ASXL2: variants seen among roughly 807,000 people sequenced by gnomAD.
The protein encoded by ASXL2 is putative Polycomb group protein ASXL2.
A neutral mutation model predicts 122.0 loss-of-function variants in ASXL2; 23 were observed. That is an observed-to-expected ratio of 0.19 (90% CI 0.14 to 0.27). ASXL2 has a LOEUF of 0.27. ASXL2 is among the 10% of genes least tolerant of loss of function. The pLI is 1.00. For synonymous variants in ASXL2, 650 were observed against 637.0 expected (o/e 1.02, Z -0.31); for missense variants, 1,518 against 1,713.8 (o/e 0.89, Z 2.02).
intron 2 of ASXL2, among the ~76,000 whole-genome samples, chr2:25,838,473 T>G (rs2089539119): frequency 6.6e-6 from 1 of 152,224 alleles, no homozygotes; most frequent in African/African-American, 2.4e-5. Context: ...GCTCAGAGAC[T>G]TACACAGAAC....
intron 1 of ASXL2, among the ~76,000 whole-genome samples, chr2:25,868,062 G>C (rs1212995822): frequency 1.3e-5 from 2 of 152,218 alleles, no homozygotes; most frequent in African/African-American, 4.8e-5. Flanking sequence ...TATCAGGATT[G>C]TGGGTACAGG....
chr2:25,808,036 G>A (rs565288030), intron 3 of ASXL2, among the ~76,000 whole-genome samples: 1 of 89,772 alleles, frequency 1.1e-5, no homozygotes, highest in African/African-American at 4.0e-5. Flanking sequence ...CCACCCCAAA[G>A]AACAGATACA....
chr2:25,809,448 T>C (rs1009301214), intron 3 of ASXL2, among the ~76,000 whole-genome samples: 27 of 152,322 alleles, frequency 1.8e-4, no homozygotes, highest in Middle Eastern at 3.4e-3. Context: ...CAGTGAAATT[T>C]CCCATAATGG....
Position 25,739,986 on chromosome 2 carries a change from G to C in ASXL2, c.*2043C>G, listed in dbSNP as rs1051125957. 4.5e-6 allele frequency: 1 copy of C among 221,728 alleles called. No individual in the cohort carries two copies. Among genetic ancestry groups the C allele is most frequent in the Non-Finnish European group, 9.0e-6 (1 of 110,720 alleles). 13.7% of individuals were successfully genotyped at this position (221,728 alleles called of 1,614,324 possible). A position where few individuals can be genotyped will look rare whatever the true frequency, so the allele number is the denominator to read the frequency against. ...CCCTTCCTGGATTGCCCAAGGTACTGAATATTTGGGAGCACCATTATTTCT... is the reference window on the plus strand; with the variant it reads ...CCCTTCCTGGATTGCCCAAGGTACTCAATATTTGGGAGCACCATTATTTCT... On this transcript the variant is annotated 3_prime_UTR_variant, in exon 13 of 13. Coordinates refer to ENST00000435504, the MANE Select transcript of ASXL2 (RefSeq NM_018263.6).
rs746010291 is a variant in ASXL2 at position 25,742,120 on chromosome 2, G to C, written c.4217C>G (p.Ala1406Gly). Residue 1406 changes from alanine (A) to glycine (G), a missense_variant, in exon 13 of 13, where the codon GCC becomes GGC. Physicochemically the swap from Ala to Gly is moderately conservative, Grantham distance 60. Transcript: ENST00000435504. Reference protein sequence around the residue: ...TPSKCYCRLKAMIMCKGCGAF... With the variant: ...TPSKCYCRLKGMIMCKGCGAF... ...GCCACAGCCTTTGCACATGATCATG[G>C]CTTTCAAGCGGCAGTAACATTTCGA... 1 of 1,613,926 alleles carries C rather than the reference G, an allele frequency of 6.2e-7. No homozygotes were observed. Among genetic ancestry groups the C allele is most frequent in the Non-Finnish European group, 8.5e-7 (1 of 1,179,902 alleles).
intron 3 of ASXL2, among the ~76,000 whole-genome samples, chr2:25,825,692 A>G (rs935983378): frequency 6.6e-6 from 1 of 152,158 alleles, no homozygotes; most frequent in Non-Finnish European, 1.5e-5. Flanking sequence ...CCACCCATCA[A>G]TGGATATTTG....
At chr2:25,816,550 G>A (rs1473065962) in intron 3 of ASXL2, among the ~76,000 whole-genome samples, 2 of 152,146 alleles carry the variant, frequency 1.3e-5, no homozygotes, top group Admixed American at 1.3e-4. Context: ...CCAGCAGAAG[G>A]AGAGAACAAT....
At chr2:25,871,164 C>T (rs776617790) in intron 1 of ASXL2, among the ~76,000 whole-genome samples, 2 of 152,002 alleles carry the variant, frequency 1.3e-5, no homozygotes, top group Non-Finnish European at 2.9e-5. Flanking sequence ...TGAGGATGGC[C>T]TCTATGAGAT....
intron 5 of ASXL2, among the ~76,000 whole-genome samples, chr2:25,774,997 T>G (rs2088521922): frequency 6.6e-6 from 1 of 152,214 alleles, no homozygotes; most frequent in South Asian, 2.1e-4. Context: ...TTTGCCTGTC[T>G]TCTCGTGGTT....
intron 1 of ASXL2, among the ~76,000 whole-genome samples, chr2:25,874,673 G>C (rs886765773): frequency 2.6e-5 from 4 of 152,130 alleles, no homozygotes; most frequent in Non-Finnish European, 5.9e-5. Context: ...CAATGTAATG[G>C]CTCTCAATAT....
In ASXL2 at chr2:25,832,473, A is replaced by C. The variant is rs1452753930; in HGVS notation, c.143+3065T>G. ...GGAATGAGAAATAGAGGAAACAGAA[A>C]ACAAAAAAACAAAAAGGCAAACTCA... On this transcript the variant is annotated intron_variant, in intron 3 of 12. Transcript: ENST00000435504. Among the ~76,000 whole-genome samples the C allele has an allele frequency of 2.0e-5, 3 of 152,306 alleles. No individual in the cohort carries two copies. The East Asian group carries it at 5.8e-4, about 29-fold the overall frequency.
Position 25,743,280 on chromosome 2 carries a change from C to A in ASXL2, c.3057G>T (p.Gln1019His), listed in dbSNP as rs1432733969. ...GCTTACTTTGCAAGGTTTTGCCCAG[C>A]TGCTGCTGCGTAGCTGGATGGGACT... ...ERQSHPATQQ[Q>H]LGKTLQSKQL... The change falls in exon 13 of 13, where the codon CAG (glutamine) becomes CAT (histidine). Residue 1019 changes from glutamine to histidine, a missense_variant. Physicochemically the swap from Gln to His is conservative, Grantham distance 24. Coordinates refer to ENST00000435504, the MANE Select transcript of ASXL2 (RefSeq NM_018263.6). 6.2e-7 allele frequency: 1 copy of A among 1,613,822 alleles called. No individual in the cohort carries two copies. The highest frequency in any genetic ancestry group is 8.5e-7 in the Non-Finnish European group (1 of 1,179,792).
At chr2:25,871,687 G>C (rs956619200) in intron 1 of ASXL2, among the ~76,000 whole-genome samples, 2 of 152,232 alleles carry the variant, frequency 1.3e-5, no homozygotes, top group Non-Finnish European at 2.9e-5. Flanking sequence ...CGCCTCCCGG[G>C]TTCAAGTGAT....
chr2:25,844,517 AG>A (rs1313849775), intron 2 of ASXL2, among the ~76,000 whole-genome samples: 1 of 151,860 alleles, frequency 6.6e-6, no homozygotes, highest in African/African-American at 2.4e-5. Context: ...GCAGAGTTGC[AG>A]TGAGCCAAGA....
chr2:25,739,358 G>A lies in ASXL2; in HGVS notation c.*2671C>T, dbSNP rs1167795521. 5.7e-6 allele frequency: 1 copy of A among 174,468 alleles called. No homozygotes were observed. 10.8% of individuals were successfully genotyped at this position (174,468 alleles called of 1,614,324 possible). On this transcript the variant is annotated 3_prime_UTR_variant, in exon 13 of 13. Coordinates refer to ENST00000435504, the MANE Select transcript of ASXL2 (RefSeq NM_018263.6). ...TACTGCTTCATTTTCTAAAAGGCCA[G>A]ATTGTAATGTGTTTTTTTTTTTTTT...
Position 25,811,279 on chromosome 2 carries a change from TA to T in ASXL2, c.144-4943del, listed in dbSNP as rs2089166974. ...AAAAATAAATAAATAAATAAATAAATAACAAAAGAAAACAGTATAACCTAGA... is the reference window on the plus strand; with the variant it reads ...AAAAATAAATAAATAAATAAATAAATACAAAAGAAAACAGTATAACCTAGA... On this transcript the variant is annotated intron_variant, in intron 3 of 12. Transcript: ENST00000435504. Among the ~76,000 whole-genome samples the T allele has an allele frequency of 3.3e-5, 5 of 150,794 alleles. 1 individual carries two copies. In the South Asian group the frequency reaches 1.0e-3, roughly 31 times the overall value.
intron 12 of ASXL2, among the ~76,000 whole-genome samples, chr2:25,746,096 A>G (rs1203450030): frequency 6.6e-6 from 1 of 152,154 alleles, no homozygotes; most frequent in African/African-American, 2.4e-5. Context: ...GGAGCAAATA[A>G]CTGTTAAGAT....
chr2:25,819,217 C>T (rs1039007278), intron 3 of ASXL2, among the ~76,000 whole-genome samples: 2 of 152,262 alleles, frequency 1.3e-5, no homozygotes, highest in Admixed American at 1.3e-4. Flanking sequence ...CAGGTAAAGC[C>T]GTGCTCAGAC....
At chr2:25,783,087 CCACTG>C (rs933042025) in intron 5 of ASXL2, among the ~76,000 whole-genome samples, 4 of 151,924 alleles carry the variant, frequency 2.6e-5, no homozygotes, top group African/African-American at 9.7e-5. Flanking sequence ...CAAGATCGTA[CCACTG>C]CACTCCAGCC....
Sources: allele counts gnomAD v4.1 joint callset (sites outside exome capture counted in the v4.1 genomes callset), GRCh38; gene constraint gnomAD v4.1.1; transcripts MANE v1.5; gene names NCBI Gene and HGNC (gene_info 2026-07-23, HGNC 2026-07-21).